The following KCNMA1 variants were observed in gnomAD, a reference collection of about 807,000 sequenced individuals.
The protein encoded by KCNMA1 is potassium calcium-activated channel subfamily M alpha 1, also known as Calcium-activated potassium channel subunit alpha-1.
Under a neutral mutation model 140.0 loss-of-function variants are expected in KCNMA1, and 29 were observed. That is an observed-to-expected ratio of 0.21 (90% CI 0.15 to 0.28). The LOEUF is 0.28. Ranked by LOEUF, KCNMA1 falls within the 10% of genes least tolerant of loss-of-function variation. The probability of loss-of-function intolerance (pLI) is 1.00; values close to 1 mark genes in which losing one functional copy is unlikely to be tolerated. For missense variants in KCNMA1, 880 were observed against 1,602.2 expected, an observed-to-expected ratio of 0.55 and a Z score of 7.70; for synonymous variants, 612 against 611.9, an observed-to-expected ratio of 1.00 and a Z score of 0.00.
chr10:77,529,600 A>T (rs1176564699), intron 1 of KCNMA1, among the ~76,000 whole-genome samples: 1 of 152,204 alleles, frequency 6.6e-6, no homozygotes, highest in Admixed American at 6.5e-5. Context: ...TATAAATAAC[A>T]AATGAGTTAA....
intron 1 of KCNMA1, among the ~76,000 whole-genome samples, chr10:77,477,185 A>G (rs181524505): frequency 1.8e-4 from 28 of 152,354 alleles, no homozygotes; most frequent in Admixed American, 1.8e-3. Flanking sequence ...CATGGAAAAC[A>G]TGATAAAACA....
chr10:77,600,767 ATG>A lies in KCNMA1; in HGVS notation c.378+36496_378+36497del, dbSNP rs780854989. Among the ~76,000 whole-genome samples the A allele has an allele frequency of 4.2e-3, 630 of 151,108 alleles. 3 individuals carry two copies. Among genetic ancestry groups the A allele is most frequent in the African/African-American group, 0.014 (593 of 41,194 alleles). Reference sequence around the variant, plus strand: ...ATCTCAAACACACACACACACACACATGCACACACACATATGCGCACATGCAC... The same window carrying A: ...ATCTCAAACACACACACACACACACACACACACACATATGCGCACATGCAC... On this transcript the variant is annotated intron_variant, in intron 1 of 27. Coordinates refer to ENST00000286628, the MANE Select transcript of KCNMA1 (RefSeq NM_001161352.2).
intron 19 of KCNMA1, chr10:76,979,463 A>AGTTT (rs1555038708): frequency 6.6e-6 from 1 of 151,884 alleles, no homozygotes; most frequent in Non-Finnish European, 1.5e-5. Flanking sequence ...CACCAATGTT[A>AGTTT]CTTTCTTTTT....
Position 76,891,515 on chromosome 10 carries a change from G to A in KCNMA1, c.3342+10C>T, listed in dbSNP as rs752873857. 10 of 1,610,050 alleles carry A rather than the reference G, an allele frequency of 6.2e-6. No homozygotes were observed. In the Admixed American group the frequency reaches 1.0e-4, roughly 16 times the overall value. On this transcript the variant is annotated intron_variant, in intron 26 of 27. Transcript: ENST00000286628. The stretch of plus-strand genomic sequence containing the variant: ...AGCAAGCTCAGGTGACCTCGGTGCT[G>A]TGGACTCACCCCTAAGTCCGCAAAT...
rs113625624 is a variant in KCNMA1, at chr10:77,163,938, C to A, written c.808+19483G>T. On this transcript the variant is annotated intron_variant, in intron 5 of 27. Transcript: ENST00000286628. ...CCTGACACACGGGAGACACTCAGGG[C>A]ATCACTGTTGAACAAATGAAAGAAT... Among the ~76,000 whole-genome samples, 1,183 of 152,282 alleles carry A rather than the reference C, an allele frequency of 7.8e-3. 14 individuals are homozygous for A. The highest frequency in any genetic ancestry group is 0.027 in the African/African-American group (1,125 of 41,564).
chr10:77,494,786 G>T (rs535971935), intron 1 of KCNMA1, among the ~76,000 whole-genome samples: 1 of 152,346 alleles, frequency 6.6e-6, no homozygotes, highest in South Asian at 2.1e-4. Context: ...GAGGCCAGAA[G>T]TCTGACATGG....
chr10:77,604,268 A>G (rs554076342), intron 1 of KCNMA1, among the ~76,000 whole-genome samples: 1 of 152,320 alleles, frequency 6.6e-6, no homozygotes, highest in Admixed American at 6.5e-5. Flanking sequence ...TCTACACTAA[A>G]CTATCACCTG....
At chr10:77,444,870 C>T (rs138954216) in intron 1 of KCNMA1, among the ~76,000 whole-genome samples, 264 of 152,244 alleles carry the variant, frequency 1.7e-3, no homozygotes, top group African/African-American at 6.1e-3. Context: ...CTTGAAAAGC[C>T]TTGTTGGGTG....
At chr10:77,155,632 C>T (rs891249644) in intron 5 of KCNMA1, among the ~76,000 whole-genome samples, 1 of 152,120 alleles carries the variant, frequency 6.6e-6, no homozygotes, top group African/African-American at 2.4e-5. Context: ...TGAACGTCAA[C>T]ACAAGTGTCT....
At chr10:77,384,171 G>T (rs963222179) in intron 2 of KCNMA1, among the ~76,000 whole-genome samples, 2 of 152,210 alleles carry the variant, frequency 1.3e-5, no homozygotes, top group African/African-American at 4.8e-5. Context: ...AGCTTTTCCT[G>T]GTGGAGCAAA....
At chr10:76,983,650 C>T (rs1275431557) in intron 19 of KCNMA1, among the ~76,000 whole-genome samples, 2 of 151,548 alleles carry the variant, frequency 1.3e-5, no homozygotes, top group Admixed American at 6.6e-5. Flanking sequence ...TCACTTGAAC[C>T]TGGGAGGCAG....
chr10:77,261,171 T>A (rs1244192745), intron 2 of KCNMA1, among the ~76,000 whole-genome samples: 1 of 152,120 alleles, frequency 6.6e-6, no homozygotes, highest in African/African-American at 2.4e-5. Flanking sequence ...TATAAATACA[T>A]ACGAAACCCT....
chr10:77,149,652 G>A (rs1597241720), intron 5 of KCNMA1, among the ~76,000 whole-genome samples: 1 of 152,210 alleles, frequency 6.6e-6, no homozygotes, highest in Non-Finnish European at 1.5e-5. Context: ...TCAAACCCAT[G>A]CATAGTGAAA....
chr10:77,455,773 G>A (rs2097753725), intron 1 of KCNMA1, among the ~76,000 whole-genome samples: 2 of 152,266 alleles, frequency 1.3e-5, no homozygotes, highest in Middle Eastern at 3.4e-3. Flanking sequence ...AGAGCCAGAA[G>A]GCAATTCCCT....
At chr10:77,061,596 G>A (rs2095753484) in intron 14 of KCNMA1, among the ~76,000 whole-genome samples, 1 of 152,170 alleles carries the variant, frequency 6.6e-6, no homozygotes, top group Admixed American at 6.5e-5. Flanking sequence ...AAACACTTTG[G>A]CAGTTTCTTT....
At chr10:77,068,718 G>GTGTGTGTA (rs905370104) in intron 14 of KCNMA1, among the ~76,000 whole-genome samples, 1 of 150,814 alleles carries the variant, frequency 6.6e-6, no homozygotes, top group Non-Finnish European at 1.5e-5. Flanking sequence ...GTGTGTGTGT[G>GTGTGTGTA]TGTGTGTGTG....
chr10:77,237,175 A>C (rs1412759584), intron 3 of KCNMA1, among the ~76,000 whole-genome samples: 1 of 152,248 alleles, frequency 6.6e-6, no homozygotes, highest in Non-Finnish European at 1.5e-5. Flanking sequence ...AATAATATCT[A>C]ATACTTTTTT....
chr10:77,155,513 C>T (rs868325900), intron 5 of KCNMA1, among the ~76,000 whole-genome samples: 1 of 152,276 alleles, frequency 6.6e-6, no homozygotes, highest in Middle Eastern at 3.4e-3. Context: ...GGCAGTGGAA[C>T]TCCAGATGTG....
intron 2 of KCNMA1, among the ~76,000 whole-genome samples, chr10:77,295,985 G>T (rs762746687): frequency 6.6e-6 from 1 of 151,986 alleles, no homozygotes; most frequent in Non-Finnish European, 1.5e-5. Context: ...GCTCCCTGAG[G>T]CTCTGGTAAA....
Sources: allele counts gnomAD v4.1 joint callset (sites outside exome capture counted in the v4.1 genomes callset), GRCh38; gene constraint gnomAD v4.1.1; transcripts MANE v1.5; gene names NCBI Gene and HGNC (gene_info 2026-07-23, HGNC 2026-07-21).